The following CSNK2A1 variants were observed in gnomAD, a reference collection of about 807,000 sequenced individuals.
CSNK2A1 encodes casein kinase II subunit alpha.
Under a neutral mutation model 62.9 loss-of-function variants are expected in CSNK2A1, and 10 were observed. The observed-to-expected ratio is 0.16, with a 90% CI of 0.10 to 0.27. CSNK2A1 has a LOEUF of 0.27. CSNK2A1 is among the 10% of genes least tolerant of loss of function. CSNK2A1 has a pLI of 1.00. For synonymous variants in CSNK2A1, 124 were observed against 167.8 expected (o/e 0.74, Z 2.02); for missense variants, 160 against 492.0 (o/e 0.33, Z 6.38).
intron 4 of CSNK2A1, 126 bp from the exon 5 acceptor site, chr20:500,060 T>C (rs756276361): frequency 1.3e-4 from 89 of 692,704 alleles, no homozygotes; most frequent in Middle Eastern, 4.0e-4. Context: ...GAAGAAAATG[T>C]GTCACATTCG....
At chr20:542,914 A>C (rs925114051) in intron 1 of CSNK2A1, 3 of 152,328 alleles carry the variant, frequency 2.0e-5, no homozygotes, top group African/African-American at 7.2e-5. Context: ...CAAACTACAG[A>C]AGCTCCACCC....
intron 2 of CSNK2A1, among the ~76,000 whole-genome samples, chr20:522,253 T>G (rs2018967444): frequency 6.6e-6 from 1 of 152,230 alleles, no homozygotes; most frequent in Admixed American, 6.5e-5. Context: ...AGGGTATTCC[T>G]AAGTCCAATG....
At chr20:498,330 C>T (rs1408943583) in intron 6 of CSNK2A1, 2 of 142,988 alleles carry the variant, frequency 1.4e-5, no homozygotes, top group Non-Finnish European at 3.0e-5. Context: ...TTTACATGGA[C>T]ATATCTTTTT....
intron 8 of CSNK2A1, among the ~76,000 whole-genome samples, chr20:493,672 T>TTG (rs1372810179): frequency 6.6e-6 from 1 of 152,202 alleles, no homozygotes; most frequent in East Asian, 1.9e-4. Flanking sequence ...ACGCATGTGT[T>TTG]TGTGTGTGTG....
In CSNK2A1 at chr20:543,685, G is replaced by T. The variant is rs964453479; in HGVS notation, c.-240C>A. On this transcript the variant is annotated 5_prime_UTR_variant, in exon 1 of 14. Transcript: ENST00000217244. ...CTCCCTAGGTACCTGTGGTGGAAGC[G>T]GCAGCGGCGGCGGCCGCTCTCCCCT... The T allele has an allele frequency of 1.1e-4, 42 of 398,140 alleles. No individual in the cohort carries two copies. The highest frequency in any genetic ancestry group is 1.5e-4 in the Non-Finnish European group (33 of 226,052). The allele number at this position is 398,140 out of a possible 1,614,324, so 24.7% of individuals were successfully genotyped here.
At chr20:532,589 G>T (rs1036819943) in intron 1 of CSNK2A1, among the ~76,000 whole-genome samples, 1 of 152,102 alleles carries the variant, frequency 6.6e-6, no homozygotes, top group East Asian at 1.9e-4. Context: ...ACTATATTCT[G>T]CATGAATGGC....
intron 8 of CSNK2A1, chr20:492,565 CA>C: frequency 1.7e-6 from 1 of 575,274 alleles, no homozygotes; most frequent in South Asian, 2.2e-5. Flanking sequence ...CTGGAAGACA[CA>C]ATCTCACCTG....
chr20:518,806 T>C (rs1219797391), intron 2 of CSNK2A1, among the ~76,000 whole-genome samples: 2 of 151,094 alleles, frequency 1.3e-5, no homozygotes, highest in African/African-American at 2.4e-5. Flanking sequence ...CCACCCGCCT[T>C]GGCCTCCCAA....
At chr20:488,040 C>CTT (rs530136543) in intron 11 of CSNK2A1, 263 of 143,020 alleles carry the variant, frequency 1.8e-3, no homozygotes, top group South Asian at 2.5e-3. Context: ...TGCATATAGC[C>CTT]TTTTTTTTTT....
chr20:499,211 G>T lies in CSNK2A1; in HGVS notation c.366+44C>A, dbSNP rs752763198. ...CAGCATCATCCCCAAAGGCTATGTG[G>T]TCTAAAAACCCACTAGCCCGAAACA... On this transcript the variant is annotated intron_variant, in intron 6 of 13. Coordinates refer to ENST00000217244, the MANE Select transcript of CSNK2A1 (RefSeq NM_177559.3). The surrounding 1 kb of genome is among the most constrained non-coding windows in gnomAD (Gnocchi z 4.2). 2.6e-6 allele frequency: 4 copies of T among 1,511,304 alleles called. No homozygotes were observed. Among genetic ancestry groups the T allele is most frequent in the Non-Finnish European group, 3.6e-6 (4 of 1,114,614 alleles). 93.6% of individuals were successfully genotyped at this position (1,511,304 alleles called of 1,614,324 possible).
intron 13 of CSNK2A1, among the ~76,000 whole-genome samples, chr20:485,064 TC>T: frequency 2.8e-5 from 1 of 35,886 alleles, no homozygotes; most frequent in East Asian, 8.3e-4. Flanking sequence ...AGACCTTGTC[TC>T]CAAAAAAAAA....
At position 474,213 on chromosome 20, in the gene CSNK2A1, CTAGT is replaced by C. The variant is rs893431093; in HGVS notation, c.*9744_*9747del. Reference sequence around the variant, plus strand: ...AGCACTATAGTCACACACCACCACACTAGTTAATGTTTTCATTTTTTGTAGAACA... The same window carrying C: ...AGCACTATAGTCACACACCACCACACTAATGTTTTCATTTTTTGTAGAACA... On this transcript the variant is annotated 3_prime_UTR_variant, in exon 14 of 14. Coordinates refer to ENST00000217244, the MANE Select transcript of CSNK2A1 (RefSeq NM_177559.3). 2.0e-5 allele frequency: 3 copies of C among 152,214 alleles called. No individual in the cohort carries two copies. The highest frequency in any genetic ancestry group is 4.4e-5 in the Non-Finnish European group (3 of 68,066). The allele number at this position is 152,214 out of a possible 1,614,324, so 9.4% of individuals were successfully genotyped here.
At chr20:526,372 A>G (rs1314449681) in intron 2 of CSNK2A1, among the ~76,000 whole-genome samples, 3 of 152,150 alleles carry the variant, frequency 2.0e-5, no homozygotes, top group Non-Finnish European at 4.4e-5. Flanking sequence ...ATACTTAGGA[A>G]GGCTGAAGCG....
intron 12 of CSNK2A1, 157 bp downstream of exon 12, chr20:487,270 C>G: frequency 1.1e-6 from 1 of 944,016 alleles, no homozygotes. Flanking sequence ...TCCAGTAATT[C>G]TGCAATGTAG....
At chr20:525,836 T>TAAAAAAAAAAAAA in intron 2 of CSNK2A1, among the ~76,000 whole-genome samples, 1 of 71,042 alleles carries the variant, frequency 1.4e-5, no homozygotes. Flanking sequence ...TTAAAACTAT[T>TAAAAAAAAAAAAA]AAAAAAAAAA....
At chr20:503,780 C>T in intron 4 of CSNK2A1, 1 of 398,072 alleles carries the variant, frequency 2.5e-6, no homozygotes. Context: ...AACAGGTCTA[C>T]ATAACCCAAC....
chr20:474,645 A>G lies in CSNK2A1; in HGVS notation c.*9316T>C, dbSNP rs368309873. 6 of 152,350 alleles carry G rather than the reference A, an allele frequency of 3.9e-5. No homozygotes were observed. In the East Asian group the frequency reaches 9.6e-4, roughly 24 times the overall value. 9.4% of individuals were successfully genotyped at this position (152,350 alleles called of 1,614,324 possible). A position where few individuals can be genotyped will look rare whatever the true frequency, so the allele number is the denominator to read the frequency against. On this transcript the variant is annotated 3_prime_UTR_variant, in exon 14 of 14. Transcript: ENST00000217244. Reference sequence around the variant, plus strand: ...ATAACATGCAACTGTTTGATTTTTCAGTTTTAGGCATTAGTTCCCCTTATA... The same window carrying G: ...ATAACATGCAACTGTTTGATTTTTCGGTTTTAGGCATTAGTTCCCCTTATA...
At chr20:495,672 T>C (rs1239223080) in intron 8 of CSNK2A1, 47 bp downstream of exon 8, 1 of 1,534,724 alleles carries the variant, frequency 6.5e-7, no homozygotes, top group African/African-American at 1.4e-5. Context: ...GATGGGCAAT[T>C]AGCTACATCA....
At chr20:531,525 G>A (rs920924144) in intron 1 of CSNK2A1, among the ~76,000 whole-genome samples, 1 of 152,112 alleles carries the variant, frequency 6.6e-6, no homozygotes, top group African/African-American at 2.4e-5. Context: ...GAGATCAGTG[G>A]CCATGAACTC....
Sources: allele counts gnomAD v4.1 joint callset (sites outside exome capture counted in the v4.1 genomes callset), GRCh38; gene constraint gnomAD v4.1.1; non-coding constraint Gnocchi (gnomAD v3.1); transcripts MANE v1.5; gene names NCBI Gene and HGNC (gene_info 2026-07-23, HGNC 2026-07-21).